The following TEX14 variants were observed in gnomAD, a reference collection of about 807,000 sequenced individuals.
The protein encoded by TEX14 is inactive serine/threonine-protein kinase TEX14.
Under a neutral mutation model 178.6 loss-of-function variants are expected in TEX14, and 168 were observed. That is an observed-to-expected ratio of 0.94 (90% CI 0.83 to 1.07). The LOEUF is 1.07. Among genes scored for constraint, TEX14 ranks in the 50% least tolerant of loss-of-function variants. TEX14 has a pLI of 0.00. For missense variants in TEX14, 1,730 were observed against 1,753.6 expected, an observed-to-expected ratio of 0.99 and a Z score of 0.24; for synonymous variants, 626 against 634.1, an observed-to-expected ratio of 0.99 and a Z score of 0.19.
chr17:58,627,511 C>A (rs1272539733), intron 3 of TEX14, among the ~76,000 whole-genome samples: 1 of 152,090 alleles, frequency 6.6e-6, no homozygotes, highest in Non-Finnish European at 1.5e-5. Flanking sequence ...TGGCTCATGC[C>A]TGTAATCTCA....
At chr17:58,643,581 A>G (rs1264862431) in intron 2 of TEX14, among the ~76,000 whole-genome samples, 4 of 151,820 alleles carry the variant, frequency 2.6e-5, no homozygotes, top group Non-Finnish European at 4.4e-5. Flanking sequence ...AAAAAAAAGT[A>G]ACCTAGGGCT....
intron 4 of TEX14, among the ~76,000 whole-genome samples, chr17:58,622,559 G>A (rs1218576346): frequency 3.2e-4 from 49 of 152,072 alleles, no homozygotes; most frequent in Admixed American, 3.2e-3. Context: ...TGTGAAGATT[G>A]AGTTAATATA....
At chr17:58,678,042 C>T (rs943446861) in intron 1 of TEX14, among the ~76,000 whole-genome samples, 1 of 152,052 alleles carries the variant, frequency 6.6e-6, no homozygotes, top group Admixed American at 6.6e-5. Flanking sequence ...CCCAGCTATT[C>T]GGGAGGCTGA....
intron 2 of TEX14, among the ~76,000 whole-genome samples, chr17:58,633,277 C>T (rs988352250): frequency 3.9e-5 from 6 of 152,166 alleles, no homozygotes; most frequent in Non-Finnish European, 5.9e-5. Context: ...TCAAACACCT[C>T]TTCTATGTGA....
chr17:58,674,429 G>A lies in TEX14; in HGVS notation c.-2+17510C>T, dbSNP rs1567771247. On this transcript the variant is annotated intron_variant, in intron 1 of 31. Transcript: ENST00000349033. ...TCACGCCTGTAATCCTAGCACTACA[G>A]GAGGCCAAGGTGGACAGATCACTTG... Among the ~76,000 whole-genome samples the A allele has an allele frequency of 1.3e-5, 2 of 152,286 alleles. 1 individual carries two copies. The highest frequency in any genetic ancestry group is 4.1e-4 in the South Asian group (2 of 4,830).
At chr17:58,656,529 G>A (rs995168534) in intron 1 of TEX14, among the ~76,000 whole-genome samples, 4 of 152,104 alleles carry the variant, frequency 2.6e-5, no homozygotes, top group African/African-American at 9.7e-5. Context: ...GGTGAGGCAG[G>A]TGGATCATGA....
At chr17:58,596,497 G>T (rs2045285764) in intron 14 of TEX14, among the ~76,000 whole-genome samples, 1 of 152,042 alleles carries the variant, frequency 6.6e-6, no homozygotes, top group Admixed American at 6.5e-5. Flanking sequence ...GCCCAGGCTG[G>T]TCTTGAACTC....
intron 1 of TEX14, among the ~76,000 whole-genome samples, chr17:58,669,593 G>A (rs2047270067): frequency 6.6e-6 from 1 of 151,626 alleles, no homozygotes; most frequent in Non-Finnish European, 1.5e-5. Flanking sequence ...AATTAGCCAG[G>A]TGTGGTGGCG....
At position 58,611,422 on chromosome 17, in the gene TEX14, T is replaced by C. The variant is rs184169824; in HGVS notation, c.1006-83A>G. Reference sequence around the variant, plus strand: ...AGAGCATTTTGTGATTTCCAGTCTTTCCATATGATCCTCATGGTTACCAAG... The same window carrying C: ...AGAGCATTTTGTGATTTCCAGTCTTCCCATATGATCCTCATGGTTACCAAG... On this transcript the variant is annotated intron_variant, in intron 9 of 31. Transcript: ENST00000349033. 355 of 999,838 alleles carry C rather than the reference T, an allele frequency of 3.6e-4. 4 individuals carry two copies. The African/African-American group carries it at 5.3e-3, about 15-fold the overall frequency. 61.9% of individuals were successfully genotyped at this position (999,838 alleles called of 1,614,324 possible). A position where few individuals can be genotyped will look rare whatever the true frequency, so the allele number is the denominator to read the frequency against.
chr17:58,593,724 A>G (rs2045213116), intron 14 of TEX14, 63 bp from the exon 15 acceptor site: 1 of 1,349,352 alleles, frequency 7.4e-7, no homozygotes, highest in Non-Finnish European at 1.1e-6. Flanking sequence ...CTTCACTGTC[A>G]CACTATTTTC....
At chr17:58,596,075 C>T (rs995488260) in intron 14 of TEX14, among the ~76,000 whole-genome samples, 2 of 151,902 alleles carry the variant, frequency 1.3e-5, no homozygotes, top group South Asian at 2.1e-4. Flanking sequence ...CCCAGCTACT[C>T]GGGAGGCTGA....
intron 19 of TEX14, among the ~76,000 whole-genome samples, chr17:58,580,306 T>C (rs1239005897): frequency 6.6e-6 from 1 of 152,162 alleles, no homozygotes; most frequent in Non-Finnish European, 1.5e-5. Flanking sequence ...CACACCTAGC[T>C]GAAATTATAT....
intron 21 of TEX14, among the ~76,000 whole-genome samples, chr17:58,576,032 T>C (rs2044666810): frequency 6.6e-6 from 1 of 152,222 alleles, no homozygotes. Context: ...ATATGCTAGA[T>C]ATTTAGGAAA....
At chr17:58,689,960 C>T (rs998457490) in intron 1 of TEX14, among the ~76,000 whole-genome samples, 2 of 151,464 alleles carry the variant, frequency 1.3e-5, no homozygotes, top group African/African-American at 4.9e-5. Flanking sequence ...TGCAATTCTC[C>T]TGCCTCAGCC....
At chr17:58,631,217 T>G in intron 2 of TEX14, 1 of 855,844 alleles carries the variant, frequency 1.2e-6, no homozygotes, top group Non-Finnish European at 1.4e-6. Context: ...ATGCCAGCTC[T>G]TTGGGAAGCC....
At chr17:58,687,269 C>T (rs2047617723) in intron 1 of TEX14, among the ~76,000 whole-genome samples, 3 of 152,094 alleles carry the variant, frequency 2.0e-5, no homozygotes, top group South Asian at 4.1e-4. Context: ...CCCCTTCTCC[C>T]ACCTCCCTTC....
Position 58,585,967 on chromosome 17 carries a change from C to T in TEX14, c.2904G>A (p.Leu968=), listed in dbSNP as rs2044959202. 1.2e-6 allele frequency: 2 copies of T among 1,614,078 alleles called. No homozygotes were observed. Among genetic ancestry groups the T allele is most frequent in the African/African-American group, 2.7e-5 (2 of 75,000 alleles). The change falls in exon 18 of 32, where the codon CTG becomes CTA. Residue 968 remains leucine (L), a synonymous_variant. Transcript: ENST00000349033. ...ESEAENEPDA[L]LQPPIRSPEN... is the part of the protein sequence containing the mutation. ...CTGGGCTCCTAATGGGGGGCTGCAG[C>T]AGGGCGTCGGGCTCATTTTCAGCCT...
intron 1 of TEX14, chr17:58,679,556 C>T (rs1470669011): frequency 1.3e-5 from 2 of 152,248 alleles, no homozygotes; most frequent in African/African-American, 2.4e-5. Flanking sequence ...GTCCCCACTA[C>T]CACAAATTAT....
chr17:58,680,304 T>C (rs1435499605), intron 1 of TEX14, among the ~76,000 whole-genome samples: 2 of 152,188 alleles, frequency 1.3e-5, no homozygotes, highest in Non-Finnish European at 2.9e-5. Context: ...GAAAATCCAG[T>C]CTACATATCT....
Sources: allele counts gnomAD v4.1 joint callset (sites outside exome capture counted in the v4.1 genomes callset), GRCh38; gene constraint gnomAD v4.1.1; transcripts MANE v1.5; gene names NCBI Gene and HGNC (gene_info 2026-07-23, HGNC 2026-07-21).